Variants in UPP2 observed in about 807,000 individuals in gnomAD.
UPP2 encodes the protein uridine phosphorylase 2.
Under a neutral mutation model 26.7 loss-of-function variants are expected in UPP2, and 23 were observed. The ratio of observed to expected loss-of-function variants is 0.86; its 90% CI spans 0.62 to 1.22. The LOEUF (loss-of-function observed/expected upper bound fraction) is 1.22. Ranked by LOEUF, UPP2 falls within the 50% of genes most tolerant of loss-of-function variation. The probability of loss-of-function intolerance (pLI) is 0.00; values close to 1 mark genes in which losing one functional copy is unlikely to be tolerated. For synonymous variants in UPP2, 127 were observed against 141.3 expected (o/e 0.90, Z 0.72); for missense variants, 387 against 396.7 (o/e 0.98, Z 0.21).
At chr2:158,077,430 G>A (rs1682647813) in intron 3 of UPP2, among the ~76,000 whole-genome samples, 1 of 152,058 alleles carries the variant, frequency 6.6e-6, no homozygotes, top group Admixed American at 6.6e-5. Context: ...GCATGGTACT[G>A]CCATAAAAAC....
chr2:158,116,980 G>T (rs982634878), intron 3 of UPP2, among the ~76,000 whole-genome samples: 1 of 152,012 alleles, frequency 6.6e-6, no homozygotes, highest in African/African-American at 2.4e-5. Flanking sequence ...AAACATCATG[G>T]TCACGGCCAA....
At position 158,058,322 on chromosome 2, in the gene UPP2, A is replaced by AAAG. The variant is rs1195275745; in HGVS notation, c.147+42453_147+42455dup. On this transcript the variant is annotated intron_variant, in intron 3 of 9. Transcript: ENST00000605860. ...AAAAAAAAAAAAAAAAAAAAAAAAA[A>AAAG]AAGAAGAAGAAGAAGAAGAGACGCA... 4.6e-3 allele frequency among the ~76,000 whole-genome samples: 66 copies of AAAG among 14,428 alleles called. 1 individual carries two copies. The highest frequency in any genetic ancestry group is 0.028 in the African/African-American group (48 of 1,708). The allele number at this position is 14,428 out of a possible 152,430, so 9.5% of individuals were successfully genotyped here.
At position 158,125,872 on chromosome 2, in the gene UPP2, T is replaced by C. The variant is rs374846079; in HGVS notation, c.811+1977T>C. The stretch of plus-strand genomic sequence containing the variant: ...ATTCAGATGGTTCTGCTCCAGGAAA[T>C]GCCTCCTCACATTTCTTTATTACAT... On this transcript the variant is annotated intron_variant, in intron 6 of 6. Coordinates refer to ENST00000005756, the MANE Select transcript of UPP2 (RefSeq NM_173355.4). Among the ~76,000 whole-genome samples the C allele has an allele frequency of 8.3e-4, 126 of 152,324 alleles. 3 individuals are homozygous for C. The South Asian group carries it at 0.024, about 29-fold the overall frequency.
At chr2:158,003,882 G>A (rs1002663363) in intron 2 of UPP2, among the ~76,000 whole-genome samples, 1 of 152,092 alleles carries the variant, frequency 6.6e-6, no homozygotes, top group Non-Finnish European at 1.5e-5. Flanking sequence ...TTTGCATGTT[G>A]CAACATTTCT....
chr2:158,087,803 G>A (rs529029766), intron 3 of UPP2, among the ~76,000 whole-genome samples: 1 of 152,058 alleles, frequency 6.6e-6, no homozygotes, highest in South Asian at 2.1e-4. Flanking sequence ...TTTGTTTAAG[G>A]AGATAGGTCT....
At chr2:158,055,054 C>T (rs1159688132) in intron 3 of UPP2, among the ~76,000 whole-genome samples, 1 of 152,142 alleles carries the variant, frequency 6.6e-6, no homozygotes, top group African/African-American at 2.4e-5. Context: ...TTTTCTGTTG[C>T]TTATAACAGA....
intron 3 of UPP2, among the ~76,000 whole-genome samples, chr2:158,085,060 T>C (rs1188580012): frequency 6.6e-6 from 1 of 152,162 alleles, no homozygotes; most frequent in Non-Finnish European, 1.5e-5. Context: ...GGAATTGCAA[T>C]GAGTTTGAAG....
In UPP2 at chr2:158,042,821, G is replaced by A. The variant is rs79554567; in HGVS notation, c.147+26935G>A. ...GCCGGCGAGGATGCTGGAGAGGAAG[G>A]GAGGCGCCACACTGTTGGTGGGGAG... is the stretch of plus-strand genomic sequence containing the variant. On this transcript the variant is annotated intron_variant, in intron 3 of 9. Coordinates refer to the UPP2 transcript ENST00000605860. 1.4e-3 allele frequency among the ~76,000 whole-genome samples: 206 copies of A among 152,288 alleles called. 5 individuals carry two copies. In the East Asian group the frequency reaches 0.033, roughly 25 times the overall value.
At chr2:158,085,550 T>C (rs1346298211) in intron 3 of UPP2, among the ~76,000 whole-genome samples, 4 of 152,132 alleles carry the variant, frequency 2.6e-5, no homozygotes, top group Non-Finnish European at 5.9e-5. Context: ...TGAATAGAAG[T>C]GGTGAGAGAG....
chr2:158,026,228 G>T (rs755659878), intron 3 of UPP2, among the ~76,000 whole-genome samples: 3 of 152,076 alleles, frequency 2.0e-5, no homozygotes, highest in African/African-American at 7.2e-5. Flanking sequence ...TCTTATCCTC[G>T]CAGAGCAGCA....
chr2:158,086,654 C>T (rs1392720566), intron 3 of UPP2, among the ~76,000 whole-genome samples: 1 of 152,066 alleles, frequency 6.6e-6, no homozygotes, highest in Admixed American at 6.5e-5. Context: ...CTTATCACCA[C>T]CTTTGCTGTA....
At chr2:158,113,106 C>A (rs1032989554) in intron 2 of UPP2, among the ~76,000 whole-genome samples, 1 of 152,162 alleles carries the variant, frequency 6.6e-6, no homozygotes, top group Non-Finnish European at 1.5e-5. Flanking sequence ...GCTTTAAGAA[C>A]CAAGCTGCTT....
chr2:158,102,525 T>C (rs543733605), intron 1 of UPP2, among the ~76,000 whole-genome samples: 1 of 152,144 alleles, frequency 6.6e-6, no homozygotes, highest in Non-Finnish European at 1.5e-5. Flanking sequence ...GGTTTAATTG[T>C]ATTGCAGGAT....
exon 3 of UPP2, chr2:158,015,886 T>C (rs572721791): frequency 2.2e-6 from 1 of 445,328 alleles, no homozygotes; most frequent in African/African-American, 2.0e-5. Context: ...CCTGTGGAAC[T>C]GTGAGTCAAT....
intron 3 of UPP2, among the ~76,000 whole-genome samples, chr2:158,070,618 G>T (rs11695349): frequency 0.55 from 83,577 of 152,100 alleles, 23,817 homozygotes; most frequent in African/African-American, 0.61. Flanking sequence ...GCGGAGCAAG[G>T]TGGCTAAACA....
At chr2:158,093,852 A>T (rs945737710) in intron 3 of UPP2, among the ~76,000 whole-genome samples, 1 of 151,942 alleles carries the variant, frequency 6.6e-6, no homozygotes, top group South Asian at 2.1e-4. Context: ...ATTACCACAC[A>T]TTAGAGAAAC....
At chr2:158,076,965 AG>A (rs1427487727) in intron 3 of UPP2, among the ~76,000 whole-genome samples, 14 of 152,168 alleles carry the variant, frequency 9.2e-5, no homozygotes, top group Non-Finnish European at 1.5e-5. Context: ...TAACAAATTC[AG>A]TAAAGTTGCA....
At chr2:158,110,588 A>G (rs1262908799) in intron 2 of UPP2, among the ~76,000 whole-genome samples, 3 of 152,156 alleles carry the variant, frequency 2.0e-5, no homozygotes. Context: ...AGGACTCGCC[A>G]CACTGTCTTC....
intron 3 of UPP2, among the ~76,000 whole-genome samples, chr2:158,020,864 G>C (rs574587344): frequency 3.7e-4 from 56 of 152,310 alleles, no homozygotes; most frequent in African/African-American, 1.3e-3. Flanking sequence ...TCCAATTTTT[G>C]ATAGAGACAT....
Sources: gnomAD v4.1 joint callset for allele counts (sites outside exome capture counted in the v4.1 genomes callset) on GRCh38, gnomAD v4.1.1 for gene constraint, MANE v1.5 for transcripts, NCBI Gene and HGNC (gene_info 2026-07-23, HGNC 2026-07-21) for gene names.